Variants in NRXN1 observed in about 807,000 individuals in gnomAD.
NRXN1 encodes the protein neurexin 1, also known as neurexin-1.
In NRXN1, 39 loss-of-function variants were observed where a neutral mutation model predicts 150.9. That is an observed-to-expected ratio of 0.26 (90% CI 0.20 to 0.34). NRXN1 has a LOEUF of 0.34. NRXN1 is among the 10% of genes least tolerant of loss of function. The probability of loss-of-function intolerance (pLI) is 1.00; values close to 1 mark genes in which losing one functional copy is unlikely to be tolerated. For missense variants in NRXN1, 1,815 were observed against 1,949.9 expected (o/e 0.93, Z 1.30); for synonymous variants, 924 against 757.0 (o/e 1.22, Z -3.62).
intron 5 of NRXN1, among the ~76,000 whole-genome samples, chr2:50,737,969 A>G (rs10184889): frequency 0.15 from 23,149 of 152,076 alleles, 2,176 homozygotes; most frequent in East Asian, 0.31. Context: ...CAAAGACACA[A>G]AGGTTTATCA....
chr2:50,478,301 C>G (rs1255139519), intron 15 of NRXN1, among the ~76,000 whole-genome samples: 11 of 152,112 alleles, frequency 7.2e-5, no homozygotes, highest in Admixed American at 4.6e-4. Context: ...GAATACTGCT[C>G]TAATCTATTT....
intron 5 of NRXN1, chr2:50,919,483 TA>T (rs1229435311): frequency 2.0e-5 from 3 of 150,678 alleles, no homozygotes; most frequent in Admixed American, 6.6e-5. Flanking sequence ...TTCTTGAATT[TA>T]TTTTTTTATA....
chr2:50,988,097 T>G (rs570757844), intron 2 of NRXN1, among the ~76,000 whole-genome samples: 1 of 152,002 alleles, frequency 6.6e-6, no homozygotes, highest in South Asian at 2.1e-4. Flanking sequence ...AGTGCTTTAA[T>G]AAGATACAGA....
intron 17 of NRXN1, among the ~76,000 whole-genome samples, chr2:50,356,242 AT>A (rs980767991): frequency 2.0e-5 from 3 of 152,210 alleles, no homozygotes; most frequent in African/African-American, 7.2e-5. Flanking sequence ...ATCATCTAAT[AT>A]TTTTTTCTGG....
At chr2:50,767,112 G>C (rs1441257690) in intron 5 of NRXN1, among the ~76,000 whole-genome samples, 1 of 152,006 alleles carries the variant, frequency 6.6e-6, no homozygotes, top group Non-Finnish European at 1.5e-5. Context: ...CAGGAAATTT[G>C]CTTAGGTCTT....
chr2:50,461,612 TA>T (rs933906175), intron 17 of NRXN1, among the ~76,000 whole-genome samples: 1 of 151,974 alleles, frequency 6.6e-6, no homozygotes, highest in Non-Finnish European at 1.5e-5. Context: ...ATATAAAATT[TA>T]CAATGAATGT....
chr2:50,058,314 G>A (rs1412481032), intron 19 of NRXN1, among the ~76,000 whole-genome samples: 9 of 152,110 alleles, frequency 5.9e-5, no homozygotes, highest in Non-Finnish European at 7.4e-5. Context: ...ATGAAAATAT[G>A]TGATAATATA....
chr2:50,110,220 G>A (rs1262491716), intron 18 of NRXN1, among the ~76,000 whole-genome samples: 1 of 152,106 alleles, frequency 6.6e-6, no homozygotes, highest in Non-Finnish European at 1.5e-5. Flanking sequence ...GCCGGGCGCG[G>A]TGGCTCAGGC....
chr2:50,192,907 C>T (rs1168863040), intron 18 of NRXN1, among the ~76,000 whole-genome samples: 3 of 152,224 alleles, frequency 2.0e-5, no homozygotes, highest in South Asian at 2.1e-4. Flanking sequence ...GTGAGCCACC[C>T]GCCCCACAGG....
At chr2:50,063,008 C>T (rs1452862947) in intron 19 of NRXN1, among the ~76,000 whole-genome samples, 2 of 152,148 alleles carry the variant, frequency 1.3e-5, no homozygotes, top group Non-Finnish European at 2.9e-5. Context: ...TGAAAGTCAT[C>T]TATACCACAA....
chr2:49,957,922 C>A (rs1035457882), intron 21 of NRXN1, among the ~76,000 whole-genome samples: 1 of 152,132 alleles, frequency 6.6e-6, no homozygotes, highest in Admixed American at 6.6e-5. Flanking sequence ...AAAATAACAG[C>A]GGGAATAATT....
At chr2:50,829,999 GAAAAAAAAAAAAAAAAA>G (rs572758147) in intron 5 of NRXN1, among the ~76,000 whole-genome samples, 12 of 58,180 alleles carry the variant, frequency 2.1e-4, no homozygotes, top group South Asian at 1.6e-3. Flanking sequence ...CTGCCTGCTG[GAAAAAAAAAAAAAAAAA>G]AAAAAAAAAA....
At chr2:50,655,513 G>C (rs1686300749) in intron 5 of NRXN1, among the ~76,000 whole-genome samples, 1 of 151,972 alleles carries the variant, frequency 6.6e-6, no homozygotes, top group South Asian at 2.1e-4. Flanking sequence ...AATGTAAAAT[G>C]ATTCACAAAG....
At chr2:50,940,768 C>A (rs1044500015) in intron 2 of NRXN1, among the ~76,000 whole-genome samples, 1 of 152,028 alleles carries the variant, frequency 6.6e-6, no homozygotes, top group African/African-American at 2.4e-5. Flanking sequence ...CTAATAGACT[C>A]CTGTATTAAA....
intron 2 of NRXN1, among the ~76,000 whole-genome samples, chr2:50,949,713 T>C (rs999054835): frequency 2.0e-5 from 3 of 152,058 alleles, no homozygotes; most frequent in African/African-American, 4.8e-5. Context: ...TTCTGACTTC[T>C]TGGAAAAACT....
At chr2:50,197,289 G>C (rs566639145) in intron 18 of NRXN1, among the ~76,000 whole-genome samples, 3 of 151,922 alleles carry the variant, frequency 2.0e-5, no homozygotes, top group Non-Finnish European at 4.4e-5. Flanking sequence ...GACACTTTAC[G>C]GGGAACCTGA....
At chr2:50,297,512 G>C (rs966969349) in intron 17 of NRXN1, among the ~76,000 whole-genome samples, 2 of 152,068 alleles carry the variant, frequency 1.3e-5, no homozygotes, top group Admixed American at 6.6e-5. Flanking sequence ...TTCAAAAAAA[G>C]CTTTACTACT....
At position 50,497,476 on chromosome 2, in the gene NRXN1, T is replaced by C. The variant is rs2091701825; in HGVS notation, c.2736A>G (p.Lys912=). The C allele has an allele frequency of 3.7e-6, 6 of 1,613,838 alleles. No homozygotes were observed. The East Asian group carries it at 1.1e-4, about 30-fold the overall frequency. Residue 912 remains lysine (K), a synonymous_variant, in exon 14 of 23, where the codon AAA becomes AAG. Transcript: ENST00000401669. ...AGGTAGCTAAGGCAACATAGCTCGA[T>C]TTGGTCTTGAAGGTGACAGGATCTG... ...IIADPVTFKT[K]SSYVALATLQ... is the part of the protein sequence containing the mutation.
At chr2:50,140,374 A>T (rs1347906146) in intron 18 of NRXN1, among the ~76,000 whole-genome samples, 1 of 152,108 alleles carries the variant, frequency 6.6e-6, no homozygotes, top group African/African-American at 2.4e-5. Context: ...TATCACCGAA[A>T]TCTGATAACC....
Sources: gnomAD v4.1 joint callset for allele counts (sites outside exome capture counted in the v4.1 genomes callset) on GRCh38, gnomAD v4.1.1 for gene constraint, MANE v1.5 for transcripts, NCBI Gene and HGNC (gene_info 2026-07-23, HGNC 2026-07-21) for gene names.